DNAAF4: variants seen among roughly 807,000 people sequenced by gnomAD.
DNAAF4 encodes the protein dynein axonemal assembly factor 4, also known as dynein assembly factor 4, axonemal.
DNAAF4 carries 43 observed loss-of-function variants against 51.8 expected under a neutral mutation model. That is an observed-to-expected ratio of 0.83 (90% confidence interval 0.65 to 1.07). The LOEUF is 1.07. DNAAF4 is among the 50% of genes least tolerant of loss of function. The pLI is 0.00. For missense variants in DNAAF4, 581 were observed against 493.0 expected, an observed-to-expected ratio of 1.18 and a Z score of -1.69; for synonymous variants, 194 against 165.6, an observed-to-expected ratio of 1.17 and a Z score of -1.32.
chr15:55,473,005 A>C (rs572445694), intron 4 of DNAAF4, among the ~76,000 whole-genome samples: 1 of 151,524 alleles, frequency 6.6e-6, no homozygotes, highest in South Asian at 2.1e-4. Context: ...ATCTCTACTA[A>C]AAATACAAAA....
chr15:55,442,979 A>G, intron 6 of DNAAF4: 4 of 1,610,824 alleles, frequency 2.5e-6, no homozygotes, highest in Non-Finnish European at 1.7e-6. Context: ...TCATTGTAGA[A>G]CATCACGTAT....
At chr15:55,450,663 A>C (rs1341442907) in intron 5 of DNAAF4, among the ~76,000 whole-genome samples, 1 of 152,226 alleles carries the variant, frequency 6.6e-6, no homozygotes, top group Admixed American at 6.5e-5. Flanking sequence ...TCAACTCTAG[A>C]GAAGGGCACA....
chr15:55,507,487 T>G (rs1433787942), intron 1 of DNAAF4, among the ~76,000 whole-genome samples: 1 of 152,226 alleles, frequency 6.6e-6, no homozygotes, highest in Non-Finnish European at 1.5e-5. Flanking sequence ...GTTGTATGGG[T>G]ACTCACAGCA....
At chr15:55,506,329 T>G (rs912481972) in intron 1 of DNAAF4, among the ~76,000 whole-genome samples, 4 of 152,232 alleles carry the variant, frequency 2.6e-5, no homozygotes, top group Non-Finnish European at 5.9e-5. Context: ...TGTATCTATC[T>G]TAGAGATTTC....
At position 55,460,842 on chromosome 15, in the gene DNAAF4, G is replaced by A. The variant is rs182324127; in HGVS notation, c.637+6088C>T. On this transcript the variant is annotated intron_variant, in intron 5 of 9. Coordinates refer to ENST00000321149, the MANE Select transcript of DNAAF4 (RefSeq NM_130810.4). ...TGCAGTGGCGTGATCTCGACTCACC[G>A]CAACCTCCACCTCTTGGGCTCAAGT... Among the ~76,000 whole-genome samples, 10 of 150,486 alleles carry A rather than the reference G, an allele frequency of 6.6e-5. 1 individual carries two copies. The highest frequency in any genetic ancestry group is 2.1e-4 in the South Asian group (1 of 4,772).
chr15:55,471,912 T>C (rs947965672), intron 4 of DNAAF4, among the ~76,000 whole-genome samples: 8 of 152,160 alleles, frequency 5.3e-5, no homozygotes, highest in Non-Finnish European at 1.2e-4. Flanking sequence ...CGATCTTCGC[T>C]CACTGCAACC....
chr15:55,502,739 C>A (rs1357269253), intron 1 of DNAAF4, among the ~76,000 whole-genome samples: 1 of 152,114 alleles, frequency 6.6e-6, no homozygotes. Context: ...AACAAAGACA[C>A]AACGTACCAG....
intron 6 of DNAAF4, among the ~76,000 whole-genome samples, chr15:55,445,032 C>CTTTTTTTTTTTT (rs35988188): frequency 1.8e-5 from 2 of 109,044 alleles, no homozygotes; most frequent in African/African-American, 3.6e-5. Context: ...ATTGAATACC[C>CTTTTTTTTTTTT]TTTTTTTTTT....
At chr15:55,451,619 CT>C (rs34676492) in intron 5 of DNAAF4, among the ~76,000 whole-genome samples, 7,502 of 146,716 alleles carry the variant, frequency 0.051, 642 homozygotes, top group African/African-American at 0.18. Context: ...TGAATAATAT[CT>C]TTTTTTTTTT....
chr15:55,425,642 A>C (rs1358067113), downstream of DNAAF4, among the ~76,000 whole-genome samples: 1 of 152,146 alleles, frequency 6.6e-6, no homozygotes, highest in Admixed American at 6.5e-5. Flanking sequence ...ACCAAGACAG[A>C]ATAGGTTTAT....
intron 3 of DNAAF4, 152 bp downstream of exon 3, chr15:55,497,560 A>T: frequency 1.3e-6 from 1 of 786,530 alleles, no homozygotes; most frequent in Non-Finnish European, 1.9e-6. Context: ...AGATCATGTC[A>T]CTGCACTCCA....
chr15:55,434,803 T>C, intron 8 of DNAAF4, 102 bp downstream of exon 8: 1 of 1,006,384 alleles, frequency 9.9e-7, no homozygotes, highest in Non-Finnish European at 1.4e-6. Flanking sequence ...TTAAAATCTT[T>C]GCATCTCAAT....
intron 9 of DNAAF4, among the ~76,000 whole-genome samples, chr15:55,431,064 C>A (rs913587117): frequency 1.3e-5 from 2 of 152,028 alleles, no homozygotes; most frequent in South Asian, 2.1e-4. Context: ...CAGGCACCTG[C>A]CACCACACCT....
rs1332149262 is a variant in DNAAF4 at position 55,441,261 on chromosome 15, G to A, written c.784-1680C>T. Reference sequence around the variant, plus strand: ...CAGTTTTTGTATTTTTAGTAGAGACGGGGTTTCACCATATTGGCCAGGCTG... The same window carrying A: ...CAGTTTTTGTATTTTTAGTAGAGACAGGGTTTCACCATATTGGCCAGGCTG... On this transcript the variant is annotated intron_variant, in intron 6 of 9. Coordinates refer to ENST00000321149, the MANE Select transcript of DNAAF4 (RefSeq NM_130810.4). Among the ~76,000 whole-genome samples the A allele has an allele frequency of 2.7e-5, 4 of 149,160 alleles. No individual in the cohort carries two copies. In the Admixed American group the frequency reaches 2.7e-4, roughly 10 times the overall value.
chr15:55,477,196 A>C (rs1208066061), intron 4 of DNAAF4, among the ~76,000 whole-genome samples: 1 of 152,010 alleles, frequency 6.6e-6, no homozygotes, highest in Non-Finnish European at 1.5e-5. Flanking sequence ...AAAAGAAAAG[A>C]GTTCTGGAGA....
chr15:55,451,959 A>G lies in DNAAF4; in HGVS notation c.638-1592T>C, dbSNP rs181140418. Among the ~76,000 whole-genome samples the G allele has an allele frequency of 4.1e-3, 624 of 152,088 alleles. 6 individuals carry two copies. The highest frequency in any genetic ancestry group is 0.014 in the African/African-American group (587 of 41,500). The stretch of plus-strand genomic sequence containing the variant: ...TTTAAATAGTAATACAAAAGAAGGA[A>G]AATAGGTCTGGGCGCAGCGGCTCAC... On this transcript the variant is annotated intron_variant, in intron 5 of 9. Coordinates refer to ENST00000321149, the MANE Select transcript of DNAAF4 (RefSeq NM_130810.4).
chr15:55,474,450 C>T (rs1595933596), intron 4 of DNAAF4, among the ~76,000 whole-genome samples: 1 of 151,990 alleles, frequency 6.6e-6, no homozygotes, highest in Non-Finnish European at 1.5e-5. Flanking sequence ...AGAAGAATCG[C>T]GTGAACCCAG....
chr15:55,454,973 T>C (rs1252415327), intron 5 of DNAAF4, among the ~76,000 whole-genome samples: 1 of 151,506 alleles, frequency 6.6e-6, no homozygotes, highest in Non-Finnish European at 1.5e-5. Flanking sequence ...ATTAATAAAT[T>C]ATATAATTAT....
At chr15:55,484,919 G>C (rs1285912042) in intron 4 of DNAAF4, among the ~76,000 whole-genome samples, 3 of 152,094 alleles carry the variant, frequency 2.0e-5, no homozygotes, top group Non-Finnish European at 4.4e-5. Flanking sequence ...CCAGATTAAG[G>C]GTGGGTCTGC....
Sources: gnomAD v4.1 joint callset for allele counts (sites outside exome capture counted in the v4.1 genomes callset) on GRCh38, gnomAD v4.1.1 for gene constraint, MANE v1.5 for transcripts, NCBI Gene and HGNC (gene_info 2026-07-23, HGNC 2026-07-21) for gene names.